Variants in RFTN1 observed in about 807,000 individuals in gnomAD.
RFTN1 encodes the protein raftlin, lipid raft linker 1, also known as raftlin.
A neutral mutation model predicts 46.5 loss-of-function variants in RFTN1; 26 were observed. The observed-to-expected ratio is 0.56, with a 90% CI of 0.41 to 0.78. The LOEUF is 0.78. Among genes scored for constraint, RFTN1 ranks in the 30% least tolerant of loss-of-function variants. RFTN1 has a pLI of 0.00. For synonymous variants in RFTN1, 261 were observed against 284.2 expected, an observed-to-expected ratio of 0.92 and a Z score of 0.82; for missense variants, 693 against 718.7, an observed-to-expected ratio of 0.96 and a Z score of 0.41.
intron 2 of RFTN1, among the ~76,000 whole-genome samples, chr3:16,462,035 A>G (rs1035135000): frequency 6.6e-6 from 1 of 152,226 alleles, no homozygotes; most frequent in African/African-American, 2.4e-5. Context: ...AAGCAGTCCA[A>G]CCAGAAATTC....
At chr3:16,355,135 C>T (rs533351567) in intron 7 of RFTN1, among the ~76,000 whole-genome samples, 10 of 152,306 alleles carry the variant, frequency 6.6e-5, no homozygotes, top group Admixed American at 2.6e-4. Flanking sequence ...AACAGAATCA[C>T]CCTAACACTC....
chr3:16,502,702 A>C (rs960399027), intron 1 of RFTN1, among the ~76,000 whole-genome samples: 1 of 152,264 alleles, frequency 6.6e-6, no homozygotes, highest in Non-Finnish European at 1.5e-5. Context: ...GCCTCCTGCC[A>C]ACAGTCAGCA....
chr3:16,404,113 TA>T (rs1198760798), intron 4 of RFTN1, among the ~76,000 whole-genome samples: 22 of 43,368 alleles, frequency 5.1e-4, no homozygotes, highest in African/African-American at 1.0e-3. Context: ...ATATAATATA[TA>T]ATATACATTT....
At position 16,446,757 on chromosome 3, in the gene RFTN1, C is replaced by T. The variant is rs73816460; in HGVS notation, c.146-12720G>A. On this transcript the variant is annotated intron_variant, in intron 2 of 9. Coordinates refer to ENST00000334133, the MANE Select transcript of RFTN1 (RefSeq NM_015150.2). The surrounding 1 kb of genome is among the most constrained non-coding windows in gnomAD (Gnocchi z 4.5). ...AAGAGATTTCCCAAAAAGTGCGGTA[C>T]CCGAGGGTATGAGCACACTTGAGTT... 3.8e-3 allele frequency among the ~76,000 whole-genome samples: 579 copies of T among 152,188 alleles called. 3 individuals are homozygous for T. Among genetic ancestry groups the T allele is most frequent in the African/African-American group, 0.013 (540 of 41,516 alleles).
intron 2 of RFTN1, among the ~76,000 whole-genome samples, chr3:16,439,837 G>GT (rs2075587671): frequency 6.6e-6 from 1 of 152,112 alleles, no homozygotes; most frequent in Admixed American, 6.5e-5. Flanking sequence ...TTTCAGAGGA[G>GT]TTCTAGGGAA....
rs77267120 is a variant in RFTN1 at position 16,501,933 on chromosome 3, G to A, written c.-8-8056C>T. On this transcript the variant is annotated intron_variant, in intron 1 of 9. Transcript: ENST00000334133. ...ACAATCTATATCAAACTGTATTAAC[G>A]GTTTATATGGTACCACTTTTTAAAA... is the stretch of plus-strand genomic sequence containing the variant. 9.2e-3 allele frequency among the ~76,000 whole-genome samples: 1,397 copies of A among 152,124 alleles called. 21 individuals are homozygous for A. The highest frequency in any genetic ancestry group is 0.032 in the African/African-American group (1,331 of 41,488).
intron 2 of RFTN1, among the ~76,000 whole-genome samples, chr3:16,455,203 G>C (rs925661329): frequency 9.9e-5 from 15 of 152,214 alleles, no homozygotes; most frequent in Non-Finnish European, 7.3e-5. Flanking sequence ...GTTTGTTTAG[G>C]TGGCGTGTGT....
chr3:16,403,764 TAATATATAA>T lies in RFTN1; in HGVS notation c.441+5602_441+5610del, dbSNP rs2074688810. 2.8e-4 allele frequency among the ~76,000 whole-genome samples: 5 copies of T among 17,578 alleles called. 1 individual carries two copies. The highest frequency in any genetic ancestry group is 2.0e-3 in the South Asian group (1 of 502). 11.5% of individuals were successfully genotyped at this position (17,578 alleles called of 152,430 possible). A position where few individuals can be genotyped will look rare whatever the true frequency, so the allele number is the denominator to read the frequency against. ...TATTATATATTATATATAAAATATA[TAATATATAA>T]TATATATTATATATTTTATATATAA... On this transcript the variant is annotated intron_variant, in intron 4 of 9. Transcript: ENST00000334133.
intron 2 of RFTN1, among the ~76,000 whole-genome samples, chr3:16,493,263 G>A (rs1195321932): frequency 1.1e-4 from 17 of 148,952 alleles, no homozygotes; most frequent in Admixed American, 7.4e-4. Flanking sequence ...ACAGAGTCTC[G>A]CTCTCTCGCC....
rs1413076594 is a variant in RFTN1 at position 16,370,993 on chromosome 3, GCCTACGTGCAGCTGGGCGTGGCT to G, written c.827-737_827-715del. On this transcript the variant is annotated intron_variant, in intron 5 of 9. Transcript: ENST00000334133. This position sits in a 1 kb window ranked among gnomAD's most constrained non-coding sequence, Gnocchi z 5.5. Reference sequence around the variant, plus strand: ...GCCACCCAGCAGCTGAGCCGCAACTGCCTACGTGCAGCTGGGCGTGGCTTAGCAGTAGCAGCCTCCAGAAGCAA... The same window carrying G: ...GCCACCCAGCAGCTGAGCCGCAACTGTAGCAGTAGCAGCCTCCAGAAGCAA... The G allele has an allele frequency of 6.6e-6, 1 of 152,206 alleles. No homozygotes were observed. Among genetic ancestry groups the G allele is most frequent in the African/African-American group, 2.4e-5 (1 of 41,440 alleles). 9.4% of individuals were successfully genotyped at this position (152,206 alleles called of 1,614,324 possible).
Position 16,387,224 on chromosome 3 carries a change from A to G in RFTN1, c.442-9122T>C, listed in dbSNP as rs905481182. On this transcript the variant is annotated intron_variant, in intron 4 of 9. Transcript: ENST00000334133. This position sits in a 1 kb window ranked among gnomAD's most constrained non-coding sequence, Gnocchi z 5.2. ...TCCATCCAGTCCACCCAGGGCCACA[A>G]GGAGGAGGGCTCAAGGTCTCCCGCC... is the stretch of plus-strand genomic sequence containing the variant. 6.6e-6 allele frequency among the ~76,000 whole-genome samples: 1 copy of G among 152,164 alleles called. No individual in the cohort carries two copies. Among genetic ancestry groups the G allele is most frequent in the African/African-American group, 2.4e-5 (1 of 41,430 alleles).
intron 8 of RFTN1, among the ~76,000 whole-genome samples, chr3:16,323,749 C>CA (rs2069354134): frequency 6.6e-6 from 1 of 152,240 alleles, no homozygotes; most frequent in Non-Finnish European, 1.5e-5. Context: ...AATGTGGACA[C>CA]ACTGGCTGCT....
At chr3:16,360,830 G>C (rs1047751831) in intron 6 of RFTN1, among the ~76,000 whole-genome samples, 1 of 152,140 alleles carries the variant, frequency 6.6e-6, no homozygotes, top group Non-Finnish European at 1.5e-5. Flanking sequence ...GGAATTTAAT[G>C]ATTTGGAAAA....
rs1451035821 is a variant in RFTN1 at position 16,504,315 on chromosome 3, C to T, written c.-9+9127G>A. Reference sequence around the variant, plus strand: ...TAATGGGATGTGTGCATCTGTTGGACACTGAGCAACTTCTCAAAACTTGGA... The same window carrying T: ...TAATGGGATGTGTGCATCTGTTGGATACTGAGCAACTTCTCAAAACTTGGA... On this transcript the variant is annotated intron_variant, in intron 1 of 9. Coordinates refer to ENST00000334133, the MANE Select transcript of RFTN1 (RefSeq NM_015150.2). This position sits in a 1 kb window ranked among gnomAD's most constrained non-coding sequence, Gnocchi z 4.4. 2.0e-5 allele frequency among the ~76,000 whole-genome samples: 3 copies of T among 152,190 alleles called. No individual in the cohort carries two copies. The highest frequency in any genetic ancestry group is 4.4e-5 in the Non-Finnish European group (3 of 68,028).
At position 16,457,241 on chromosome 3, in the gene RFTN1, A is replaced by C. The variant is rs1476163764; in HGVS notation, c.146-23204T>G. On this transcript the variant is annotated intron_variant, in intron 2 of 9. Transcript: ENST00000334133. The surrounding 1 kb of genome is among the most constrained non-coding windows in gnomAD (Gnocchi z 4.2). The stretch of plus-strand genomic sequence containing the variant: ...CCTTCAGTAAACATTGCAGGGAGGC[A>C]AGTCTTCTTAAGAAGCAGTTTAACT... Among the ~76,000 whole-genome samples the C allele has an allele frequency of 1.3e-5, 2 of 152,240 alleles. No homozygotes were observed. Among genetic ancestry groups the C allele is most frequent in the East Asian group, 3.8e-4 (2 of 5,198 alleles).
rs2075282992 is a variant in RFTN1 at position 16,425,994 on chromosome 3, C to A, written c.332+7857G>T. Among the ~76,000 whole-genome samples, 1 of 152,090 alleles carries A rather than the reference C, an allele frequency of 6.6e-6. No homozygotes were observed. The highest frequency in any genetic ancestry group is 2.1e-4 in the South Asian group (1 of 4,814). Reference sequence around the variant, plus strand: ...TGTTCGCCCCACCTAAATCGGAATCCAAAATAACGACCCACATGCTAAACA... The same window carrying A: ...TGTTCGCCCCACCTAAATCGGAATCAAAAATAACGACCCACATGCTAAACA... On this transcript the variant is annotated intron_variant, in intron 3 of 9. Transcript: ENST00000334133. The surrounding 1 kb of genome is among the most constrained non-coding windows in gnomAD (Gnocchi z 4.3).
intron 2 of RFTN1, among the ~76,000 whole-genome samples, chr3:16,453,154 T>A (rs747796072): frequency 3.9e-5 from 6 of 152,190 alleles, no homozygotes; most frequent in Non-Finnish European, 2.9e-5. Context: ...AGAAGTTGAG[T>A]AAATTTCCCA....
At chr3:16,367,655 G>T (rs796232402) in intron 6 of RFTN1, among the ~76,000 whole-genome samples, 1 of 135,682 alleles carries the variant, frequency 7.4e-6, no homozygotes, top group Admixed American at 7.2e-5. Context: ...TTAAAGCCAA[G>T]GGAGGCTATA....
chr3:16,509,089 A>G lies in RFTN1; in HGVS notation c.-9+4353T>C, dbSNP rs1330271262. On this transcript the variant is annotated intron_variant, in intron 1 of 9. Coordinates refer to ENST00000334133, the MANE Select transcript of RFTN1 (RefSeq NM_015150.2). This position sits in a 1 kb window ranked among gnomAD's most constrained non-coding sequence, Gnocchi z 4.9. ...CTGGCAACGTCTTTCTGTTCCTTCA[A>G]TAAAATTGTAATCCTAATCAACCAA... is the stretch of plus-strand genomic sequence containing the variant. Among the ~76,000 whole-genome samples, 3 of 152,240 alleles carry G rather than the reference A, an allele frequency of 2.0e-5. No homozygotes were observed. The highest frequency in any genetic ancestry group is 2.9e-5 in the Non-Finnish European group (2 of 68,042).
Sources: allele counts gnomAD v4.1 joint callset (sites outside exome capture counted in the v4.1 genomes callset), GRCh38; gene constraint gnomAD v4.1.1; non-coding constraint Gnocchi (gnomAD v3.1); transcripts MANE v1.5; gene names NCBI Gene and HGNC (gene_info 2026-07-23, HGNC 2026-07-21).